TMEM132D: variants seen among roughly 807,000 people sequenced by gnomAD.
The protein encoded by TMEM132D is transmembrane protein 132D.
In TMEM132D, 21 loss-of-function variants were observed where a neutral mutation model predicts 62.3. The ratio of observed to expected loss-of-function variants is 0.34; its 90% CI spans 0.24 to 0.49. TMEM132D has a LOEUF of 0.49. TMEM132D is among the 20% of genes least tolerant of loss of function. The pLI, the probability that TMEM132D is intolerant of heterozygous loss-of-function variation, is 0.99. For missense variants in TMEM132D, 1,346 were observed against 1,402.8 expected (o/e 0.96, Z 0.65); for synonymous variants, 621 against 575.6 (o/e 1.08, Z -1.13).
intron 5 of TMEM132D, among the ~76,000 whole-genome samples, chr12:129,156,261 G>A (rs1332581740): frequency 6.6e-6 from 1 of 150,590 alleles, no homozygotes; most frequent in Non-Finnish European, 1.5e-5. Flanking sequence ...CCACTCCCAT[G>A]ATAACCCTCT....
chr12:129,896,340 G>A (rs976792157), intron 1 of TMEM132D, among the ~76,000 whole-genome samples: 5 of 152,134 alleles, frequency 3.3e-5, no homozygotes, highest in African/African-American at 1.2e-4. Context: ...TGGCTGCCAG[G>A]TGTTCATCTG....
intron 4 of TMEM132D, among the ~76,000 whole-genome samples, chr12:129,248,304 C>T (rs1324617626): frequency 1.3e-5 from 2 of 152,198 alleles, no homozygotes; most frequent in East Asian, 1.9e-4. Context: ...CACTAATTAA[C>T]TGAACTCTCA....
rs567120297 is a variant in TMEM132D, at chr12:129,108,705, G to A, written c.1444-24003C>T. On this transcript the variant is annotated intron_variant, in intron 5 of 8. Coordinates refer to ENST00000422113, the MANE Select transcript of TMEM132D (RefSeq NM_133448.3). ...GCGGTATTTCCCAAACTTCAGCAGT[G>A]CTCAATCTACATGCAGAATTACTGC... Among the ~76,000 whole-genome samples, 17 of 152,296 alleles carry A rather than the reference G, an allele frequency of 1.1e-4. 1 individual carries two copies. In the South Asian group the frequency reaches 3.3e-3, roughly 30 times the overall value.
At chr12:129,491,753 G>A (rs1593035961) in intron 3 of TMEM132D, among the ~76,000 whole-genome samples, 1 of 152,226 alleles carries the variant, frequency 6.6e-6, no homozygotes, top group East Asian at 1.9e-4. Context: ...GCCAGCCTGG[G>A]CAACATGGCA....
intron 3 of TMEM132D, among the ~76,000 whole-genome samples, chr12:129,461,970 G>T (rs1873692128): frequency 6.6e-6 from 1 of 152,134 alleles, no homozygotes; most frequent in African/African-American, 2.4e-5. Context: ...GTAGGGGATA[G>T]GTATTATTAT....
At chr12:129,587,454 C>T (rs917964297) in intron 2 of TMEM132D, among the ~76,000 whole-genome samples, 1 of 152,060 alleles carries the variant, frequency 6.6e-6, no homozygotes, top group Admixed American at 6.6e-5. Flanking sequence ...GGCTCATTTC[C>T]TGGGTGATGA....
intron 4 of TMEM132D, among the ~76,000 whole-genome samples, chr12:129,290,121 ACT>A (rs1171167428): frequency 6.6e-6 from 1 of 152,148 alleles, no homozygotes; most frequent in Non-Finnish European, 1.5e-5. Context: ...ACCTCTGAGA[ACT>A]CTACTATTTT....
intron 5 of TMEM132D, among the ~76,000 whole-genome samples, chr12:129,186,002 T>C (rs908529857): frequency 6.6e-6 from 1 of 152,188 alleles, no homozygotes; most frequent in Non-Finnish European, 1.5e-5. Context: ...TCAGATCTGC[T>C]GGAGGGTTGC....
intron 2 of TMEM132D, among the ~76,000 whole-genome samples, chr12:129,578,443 T>C (rs1227894179): frequency 6.7e-6 from 1 of 149,876 alleles, no homozygotes. Context: ...TATATGTATG[T>C]ATATATATAT....
At chr12:129,315,655 A>T (rs10744410) in intron 4 of TMEM132D, among the ~76,000 whole-genome samples, 147,756 of 152,300 alleles carry the variant, frequency 0.97, 71,845 homozygotes, top group East Asian at 1. Context: ...GATGCTGGCT[A>T]CATAGAATGA....
intron 1 of TMEM132D, among the ~76,000 whole-genome samples, chr12:129,834,898 A>G (rs1872955851): frequency 6.6e-6 from 1 of 152,214 alleles, no homozygotes; most frequent in African/African-American, 2.4e-5. Context: ...ACAAGAACTG[A>G]TAAAGATGGT....
At chr12:129,900,120 G>A (rs77230771) in intron 1 of TMEM132D, among the ~76,000 whole-genome samples, 4,091 of 152,156 alleles carry the variant, frequency 0.027, 78 homozygotes, top group Middle Eastern at 0.058. Context: ...AGTTCATGTC[G>A]CAATGTATTC....
At chr12:129,436,260 C>T (rs971635614) in intron 3 of TMEM132D, among the ~76,000 whole-genome samples, 6 of 152,088 alleles carry the variant, frequency 3.9e-5, no homozygotes, top group Non-Finnish European at 7.4e-5. Flanking sequence ...TACTTTCCTA[C>T]GAGAGAATAG....
At chr12:129,470,671 A>ATGACAACATGAAAT (rs1217974793) in intron 3 of TMEM132D, among the ~76,000 whole-genome samples, 1 of 152,228 alleles carries the variant, frequency 6.6e-6, no homozygotes, top group Non-Finnish European at 1.5e-5. Flanking sequence ...ATCATGTCTC[A>ATGACAACATGAAAT]TGACAACATG....
intron 2 of TMEM132D, among the ~76,000 whole-genome samples, chr12:129,696,450 C>T (rs1320312195): frequency 4.6e-5 from 7 of 152,334 alleles, no homozygotes; most frequent in African/African-American, 1.4e-4. Context: ...CCTTTAAGAA[C>T]AGCCCCTTCT....
chr12:129,072,685 T>G lies in TMEM132D; in HGVS notation c.*1190A>C, dbSNP rs1874111781. ...CTTTCACACCCAGAACCCCCCCAACTCCACACGCCCTGCACGTTCCACACA... is the reference window on the plus strand; with the variant it reads ...CTTTCACACCCAGAACCCCCCCAACGCCACACGCCCTGCACGTTCCACACA... On this transcript the variant is annotated 3_prime_UTR_variant, in exon 9 of 9. Transcript: ENST00000422113. The G allele has an allele frequency of 6.6e-6, 1 of 152,096 alleles. No individual in the cohort carries two copies. Among genetic ancestry groups the G allele is most frequent in the African/African-American group, 2.4e-5 (1 of 41,214 alleles). The allele number at this position is 152,096 out of a possible 1,614,324, so 9.4% of individuals were successfully genotyped here.
intron 5 of TMEM132D, among the ~76,000 whole-genome samples, chr12:129,126,334 A>G (rs117939941): frequency 1.4e-5 from 2 of 147,316 alleles, no homozygotes; most frequent in African/African-American, 2.5e-5. Context: ...TATCACTTTC[A>G]TTCTCTTGCC....
chr12:129,208,602 A>C (rs1474891611), intron 5 of TMEM132D: 5 of 152,196 alleles, frequency 3.3e-5, no homozygotes, highest in Non-Finnish European at 7.3e-5. Flanking sequence ...GGTTACACCA[A>C]TTCCTGTCCG....
In TMEM132D at chr12:129,883,116, A is replaced by G. The variant is rs150068718; in HGVS notation, c.79+20145T>C. Among the ~76,000 whole-genome samples, 537 of 152,332 alleles carry G rather than the reference A, an allele frequency of 3.5e-3. 3 individuals carry two copies. Among genetic ancestry groups the G allele is most frequent in the Non-Finnish European group, 4.6e-3 (316 of 68,032 alleles). On this transcript the variant is annotated intron_variant, in intron 1 of 8. Coordinates refer to ENST00000422113, the MANE Select transcript of TMEM132D (RefSeq NM_133448.3). ...AAGCAAGAAACACAATTATATTCAA[A>G]AATGACATGGTCATGCATGCAAAAC...
Sources: allele counts gnomAD v4.1 joint callset (sites outside exome capture counted in the v4.1 genomes callset), GRCh38; gene constraint gnomAD v4.1.1; transcripts MANE v1.5; gene names NCBI Gene and HGNC (gene_info 2026-07-23, HGNC 2026-07-21).